The following KDM2B variants were observed in gnomAD, a reference collection of about 807,000 sequenced individuals.
The protein encoded by KDM2B is lysine demethylase 2B, also known as lysine-specific demethylase 2B.
In KDM2B, 26 loss-of-function variants were observed where a neutral mutation model predicts 150.0. The ratio of observed to expected loss-of-function variants is 0.17; its 90% confidence interval spans 0.13 to 0.24. The LOEUF is 0.24. Ranked by LOEUF, KDM2B falls within the 10% of genes least tolerant of loss-of-function variation. The pLI is 1.00. For missense variants in KDM2B, 1,265 were observed against 1,816.9 expected, an observed-to-expected ratio of 0.70 and a Z score of 5.52; for synonymous variants, 734 against 729.5, an observed-to-expected ratio of 1.01 and a Z score of -0.10.
intron 22 of KDM2B, among the ~76,000 whole-genome samples, chr12:121,433,388 G>A (rs566212849): frequency 1.4e-4 from 21 of 152,116 alleles, no homozygotes; most frequent in Admixed American, 2.0e-4. Context: ...TTCTCCCTCC[G>A]CCTTTAAACA....
intron 6 of KDM2B, chr12:121,535,993 C>G (rs1555308666): frequency 1.1e-6 from 1 of 951,060 alleles, no homozygotes; most frequent in Admixed American, 6.2e-5. Context: ...ACCTCCGGAG[C>G]CCGCAACACA....
rs782020493 is a variant in KDM2B at position 121,443,777 on chromosome 12, G to T, written c.2468C>A (p.Thr823Lys). ...SGRKRASSLQTSPGSSSHLSP... is the reference protein window; with the variant it reads ...SGRKRASSLQKSPGSSSHLSP... ...GAGGTGAGAGGAGGAACCGGGGGACGTTTGAAGCGATGAGGCCTAAAGGGG... is the reference window on the plus strand; with the variant it reads ...GAGGTGAGAGGAGGAACCGGGGGACTTTTGAAGCGATGAGGCCTAAAGGGG... The change falls in exon 17 of 23, where the codon ACG becomes AAG. Residue 823 changes from threonine to lysine, a missense_variant. By Grantham distance (78) the Thr-to-Lys change is moderately conservative (BLOSUM62 -1). Coordinates refer to ENST00000377071, the MANE Select transcript of KDM2B (RefSeq NM_032590.5). The T allele has an allele frequency of 4.4e-6, 7 of 1,602,996 alleles. No individual in the cohort carries two copies. The African/African-American group carries it at 9.4e-5, about 21-fold the overall frequency.
intron 12 of KDM2B, among the ~76,000 whole-genome samples, chr12:121,483,411 G>A (rs1205702881): frequency 3.3e-5 from 5 of 152,096 alleles, no homozygotes; most frequent in African/African-American, 7.2e-5. Flanking sequence ...AGTGGCTCAC[G>A]CCTGTAATCC....
At chr12:121,571,967 T>A (rs1250227634) in intron 4 of KDM2B, among the ~76,000 whole-genome samples, 1 of 152,088 alleles carries the variant, frequency 6.6e-6, no homozygotes, top group Admixed American at 6.6e-5. Flanking sequence ...CTCAATTTTT[T>A]AAATGTGGCC....
At chr12:121,444,416 C>T (rs782443271) in intron 15 of KDM2B, 34 bp downstream of exon 15, 17 of 1,612,984 alleles carry the variant, frequency 1.1e-5, no homozygotes, top group South Asian at 2.2e-5. Flanking sequence ...GCCCCTCTCC[C>T]GACTGACCCT....
At chr12:121,486,784 C>T (rs1459555696) in intron 12 of KDM2B, among the ~76,000 whole-genome samples, 3 of 150,314 alleles carry the variant, frequency 2.0e-5, no homozygotes, top group African/African-American at 7.4e-5. Flanking sequence ...GAGAATCTGT[C>T]TCCAATAATA....
intron 8 of KDM2B, among the ~76,000 whole-genome samples, chr12:121,524,079 T>G (rs531258751): frequency 7.9e-5 from 12 of 152,082 alleles, no homozygotes; most frequent in East Asian, 5.8e-4. Context: ...TTCCTAAGAT[T>G]GGGACCCGGG....
chr12:121,548,843 C>A (rs1555311231), intron 6 of KDM2B, 34 bp downstream of exon 6: 1 of 1,563,072 alleles, frequency 6.4e-7, no homozygotes, highest in African/African-American at 1.4e-5. Flanking sequence ...GGGGTCAACC[C>A]TGCCAGCTCT....
intron 10 of KDM2B, among the ~76,000 whole-genome samples, chr12:121,511,556 G>T (rs782261670): frequency 6.6e-6 from 1 of 152,204 alleles, no homozygotes; most frequent in Non-Finnish European, 1.5e-5. Context: ...AAAGTGCTGG[G>T]ATTACAGGCG....
intron 13 of KDM2B, among the ~76,000 whole-genome samples, chr12:121,446,188 G>A (rs533864836): frequency 6.6e-6 from 1 of 152,138 alleles, no homozygotes; most frequent in African/African-American, 2.4e-5. Context: ...AAGGTCAGGA[G>A]ATCGAGACCA....
At chr12:121,540,192 G>C (rs1888492189) in intron 6 of KDM2B, among the ~76,000 whole-genome samples, 1 of 152,136 alleles carries the variant, frequency 6.6e-6, no homozygotes, top group Admixed American at 6.6e-5. Flanking sequence ...ATACACACAG[G>C]AATGCTGGCT....
intron 22 of KDM2B, chr12:121,433,333 C>T (rs954876900): frequency 2.8e-5 from 11 of 390,678 alleles, no homozygotes; most frequent in South Asian, 5.6e-5. Flanking sequence ...CCTGCCCGCC[C>T]GCCAGCCTGT....
chr12:121,424,735 G>GA (rs1202348957), downstream of KDM2B, among the ~76,000 whole-genome samples: 7 of 149,052 alleles, frequency 4.7e-5, no homozygotes, highest in African/African-American at 1.5e-4. Context: ...AGAAAAAAAA[G>GA]AAAAAAACAA....
intron 12 of KDM2B, among the ~76,000 whole-genome samples, chr12:121,485,360 A>T (rs1882640098): frequency 6.6e-6 from 1 of 152,100 alleles, no homozygotes; most frequent in African/African-American, 2.4e-5. Context: ...ACTAACCCGA[A>T]GTCGCCCTGT....
intron 4 of KDM2B, among the ~76,000 whole-genome samples, chr12:121,551,248 C>G (rs566027265): frequency 7.7e-4 from 117 of 152,164 alleles, no homozygotes; most frequent in Non-Finnish European, 1.4e-3. Context: ...AAAAGTAACT[C>G]TGTGTAATCC....
In KDM2B at chr12:121,467,490, G is replaced by C; in HGVS notation, c.1735-14146C>G. On this transcript the variant is annotated intron_variant, in intron 12 of 22. Transcript: ENST00000377071. This position sits in a 1 kb window ranked among gnomAD's most constrained non-coding sequence, Gnocchi z 5.1. ...CGGGCGGGCCAATGGCGCGGCCGCGGCGCTGGGGCCGCACACAAAGGGAGC... is the reference window on the plus strand; with the variant it reads ...CGGGCGGGCCAATGGCGCGGCCGCGCCGCTGGGGCCGCACACAAAGGGAGC... 3.2e-6 allele frequency: 1 copy of C among 315,068 alleles called. No individual in the cohort carries two copies. The highest frequency in any genetic ancestry group is 4.6e-6 in the Non-Finnish European group (1 of 219,628). 19.5% of individuals were successfully genotyped at this position (315,068 alleles called of 1,614,324 possible).
Position 121,524,165 on chromosome 12 carries a change from CCCAAGT to C in KDM2B, c.932-3071_932-3066del, listed in dbSNP as rs150468492. 2.3e-3 allele frequency among the ~76,000 whole-genome samples: 353 copies of C among 152,294 alleles called. 2 individuals are homozygous for C. Among genetic ancestry groups the C allele is most frequent in the African/African-American group, 8.2e-3 (339 of 41,572 alleles). On this transcript the variant is annotated intron_variant, in intron 8 of 22. Transcript: ENST00000377071. The stretch of plus-strand genomic sequence containing the variant: ...AGCCTACCTCCCTCCCTGCAGAAAG[CCCAAGT>C]CCAGGGGCTAGGGTTCCATCCTGTC...
chr12:121,534,218 A>G (rs782251950), intron 7 of KDM2B, among the ~76,000 whole-genome samples: 20 of 152,072 alleles, frequency 1.3e-4, no homozygotes, highest in South Asian at 8.3e-4. Context: ...GCGTGGTAGC[A>G]GGCACTTGTA....
intron 13 of KDM2B, among the ~76,000 whole-genome samples, chr12:121,451,965 A>T (rs1430111200): frequency 3.3e-5 from 5 of 150,774 alleles, no homozygotes; most frequent in South Asian, 4.3e-4. Context: ...AATCGGCCAT[A>T]AAAAAAAAGG....
Sources: gnomAD v4.1 joint callset for allele counts (sites outside exome capture counted in the v4.1 genomes callset) on GRCh38, gnomAD v4.1.1 for gene constraint, Gnocchi (gnomAD v3.1) non-coding constraint, MANE v1.5 for transcripts, NCBI Gene and HGNC (gene_info 2026-07-23, HGNC 2026-07-21) for gene names.